CDKAL1: variants seen among roughly 807,000 people sequenced by gnomAD.
CDKAL1 encodes threonylcarbamoyladenosine tRNA methylthiotransferase.
Under a neutral mutation model 68.2 loss-of-function variants are expected in CDKAL1, and 32 were observed. That is an observed-to-expected ratio of 0.47 (90% CI 0.35 to 0.63). CDKAL1 has a LOEUF of 0.63. Among genes scored for constraint, CDKAL1 ranks in the 30% least tolerant of loss-of-function variants. The pLI is 0.00. For missense variants in CDKAL1, 606 were observed against 696.7 expected (o/e 0.87, Z 1.47); for synonymous variants, 234 against 244.3 (o/e 0.96, Z 0.39).
chr6:21,045,458 A>G lies in CDKAL1; in HGVS notation c.1056-19590A>G, dbSNP rs79083652. 4.4e-3 allele frequency among the ~76,000 whole-genome samples: 667 copies of G among 152,306 alleles called. 4 individuals carry two copies. The highest frequency in any genetic ancestry group is 0.015 in the African/African-American group (613 of 41,560). The stretch of plus-strand genomic sequence containing the variant: ...TCTCCCTGACTCTGAGTCAGGGGCT[A>G]GTTGTACCTATTAACATTTCTACTC... On this transcript the variant is annotated intron_variant, in intron 11 of 15. Coordinates refer to ENST00000274695, the MANE Select transcript of CDKAL1 (RefSeq NM_017774.3).
rs1561750812 is a variant in CDKAL1, at chr6:20,756,923, C to CCTT, written c.469-1671_469-1670insTTC. 6.4e-5 allele frequency among the ~76,000 whole-genome samples: 7 copies of CCTT among 109,502 alleles called. No homozygotes were observed. In the East Asian group the frequency reaches 2.8e-3, roughly 44 times the overall value. 71.8% of individuals were successfully genotyped at this position (109,502 alleles called of 152,430 possible). ...TCCTTCCTTCCTTCCTTCCTTCCTT[C>CCTT]CCTCCTTCCCTTCCTTCCCTCCTTC... On this transcript the variant is annotated intron_variant, in intron 6 of 15. Coordinates refer to ENST00000274695, the MANE Select transcript of CDKAL1 (RefSeq NM_017774.3).
rs1262483548 is a variant in CDKAL1, at chr6:21,156,194, G to A, written c.1300-41827G>A. 1.1e-4 allele frequency among the ~76,000 whole-genome samples: 16 copies of A among 152,216 alleles called. No homozygotes were observed. The East Asian group carries it at 3.1e-3, about 29-fold the overall frequency. On this transcript the variant is annotated intron_variant, in intron 13 of 15. Transcript: ENST00000274695. ...CTAGCACTTTGGGAAGCTGAGGCAG[G>A]TGGATCACTTGAGCTCAGGAGTTTG...
intron 4 of CDKAL1, among the ~76,000 whole-genome samples, chr6:20,564,244 A>T (rs892572506): frequency 1.3e-5 from 2 of 152,212 alleles, no homozygotes; most frequent in Non-Finnish European, 2.9e-5. Context: ...CCATCTCCAA[A>T]AAAGCTAATA....
intron 13 of CDKAL1, among the ~76,000 whole-genome samples, chr6:21,150,385 C>T (rs1222310428): frequency 6.6e-6 from 1 of 152,190 alleles, no homozygotes; most frequent in African/African-American, 2.4e-5. Flanking sequence ...ATTGTACAAG[C>T]TTGCTTCCAT....
intron 5 of CDKAL1, among the ~76,000 whole-genome samples, chr6:20,691,428 G>A (rs572123157): frequency 1.3e-5 from 2 of 152,056 alleles, no homozygotes; most frequent in South Asian, 4.2e-4. Context: ...GAGGCAAGGC[G>A]AGCATGAGTG....
intron 8 of CDKAL1, among the ~76,000 whole-genome samples, chr6:20,783,387 G>A (rs1775517375): frequency 6.6e-6 from 1 of 152,070 alleles, no homozygotes; most frequent in Non-Finnish European, 1.5e-5. Flanking sequence ...CCTACTGAGT[G>A]TCTGTTTTTA....
At chr6:20,619,362 G>C (rs1248954209) in intron 4 of CDKAL1, among the ~76,000 whole-genome samples, 1 of 152,154 alleles carries the variant, frequency 6.6e-6, no homozygotes, top group Non-Finnish European at 1.5e-5. Flanking sequence ...AATGCTAAGA[G>C]AGTGGATGTA....
At chr6:20,582,813 C>G (rs979312231) in intron 4 of CDKAL1, among the ~76,000 whole-genome samples, 2 of 152,076 alleles carry the variant, frequency 1.3e-5, no homozygotes, top group Non-Finnish European at 2.9e-5. Flanking sequence ...AGGCAATATC[C>G]CTAGGAGTTA....
intron 15 of CDKAL1, among the ~76,000 whole-genome samples, chr6:21,208,570 A>T (rs1263256288): frequency 6.6e-6 from 1 of 150,986 alleles, no homozygotes; most frequent in Non-Finnish European, 1.5e-5. Flanking sequence ...TTTTCCTTCC[A>T]CCCCCAAGAT....
intron 11 of CDKAL1, 46 bp from the exon 12 acceptor site, chr6:21,065,002 A>G (rs1009777989): frequency 8.7e-7 from 1 of 1,149,618 alleles, no homozygotes; most frequent in Non-Finnish European, 1.2e-6. Context: ...TAGAATAATT[A>G]TGGCTTATAG....
chr6:21,215,471 G>T (rs1280172356), intron 15 of CDKAL1, among the ~76,000 whole-genome samples: 17 of 152,306 alleles, frequency 1.1e-4, no homozygotes, highest in Middle Eastern at 3.4e-3. Flanking sequence ...AAATCTTGGT[G>T]TTTTTGCCTG....
intron 6 of CDKAL1, among the ~76,000 whole-genome samples, chr6:20,749,302 A>G (rs940767885): frequency 1.3e-5 from 2 of 152,138 alleles, no homozygotes; most frequent in Non-Finnish European, 2.9e-5. Context: ...TTCTCCCATC[A>G]TTATGTGACC....
chr6:20,752,720 C>A (rs1773980292), intron 6 of CDKAL1, among the ~76,000 whole-genome samples: 1 of 152,058 alleles, frequency 6.6e-6, no homozygotes, highest in Non-Finnish European at 1.5e-5. Flanking sequence ...TTCTAAATAC[C>A]CATATATTTA....
At chr6:20,817,779 T>C in intron 8 of CDKAL1, among the ~76,000 whole-genome samples, 1 of 152,322 alleles carries the variant, frequency 6.6e-6, no homozygotes, top group Non-Finnish European at 1.5e-5. Flanking sequence ...TTTGTCTAAA[T>C]AGCTCTGTGT....
rs772877073 is a variant in CDKAL1 at position 21,230,965 on chromosome 6, T to C, written c.1666T>C (p.Cys556Arg). ...GCCCATGCCAAGGCTACATCAAGAC[T>C]GTGCGCTGAGGATGTCCGTGGGCTT... ...VLPMPRLHQD[C>R]ALRMSVGLAL... Residue 556 changes from cysteine (C) to arginine (R), a missense_variant, in exon 16 of 16, where the codon TGT becomes CGT. Coordinates refer to ENST00000274695, the MANE Select transcript of CDKAL1 (RefSeq NM_017774.3). The C allele has an allele frequency of 6.2e-7, 1 of 1,613,800 alleles. No individual in the cohort carries two copies. The highest frequency in any genetic ancestry group is 8.5e-7 in the Non-Finnish European group (1 of 1,179,704).
At position 20,787,825 on chromosome 6, in the gene CDKAL1, G is replaced by A. The variant is rs114944380; in HGVS notation, c.638+6560G>A. On this transcript the variant is annotated intron_variant, in intron 8 of 15. Coordinates refer to ENST00000274695, the MANE Select transcript of CDKAL1 (RefSeq NM_017774.3). ...ATAGAGACTTTTAAGGCAGTTTAAC[G>A]TCACTACAGTGAGTTATAATTCATT... Among the ~76,000 whole-genome samples the A allele has an allele frequency of 1.8e-3, 273 of 152,246 alleles. 1 individual carries two copies. Among genetic ancestry groups the A allele is most frequent in the Admixed American group, 3.0e-3 (46 of 15,292 alleles).
At chr6:21,022,671 C>T (rs191682369) in intron 11 of CDKAL1, among the ~76,000 whole-genome samples, 1 of 152,310 alleles carries the variant, frequency 6.6e-6, no homozygotes, top group East Asian at 1.9e-4. Flanking sequence ...GCAGACTCCA[C>T]GGCCTGGCTG....
At chr6:20,896,119 TGAGATGGAG>T (rs1561865669) in intron 9 of CDKAL1, among the ~76,000 whole-genome samples, 1 of 136,440 alleles carries the variant, frequency 7.3e-6, no homozygotes, top group Non-Finnish European at 1.6e-5. Flanking sequence ...TTTTTTTTTT[TGAGATGGAG>T]TCTTGCTCTG....
intron 11 of CDKAL1, among the ~76,000 whole-genome samples, chr6:21,011,665 T>A (rs1768029086): frequency 6.6e-6 from 1 of 152,186 alleles, no homozygotes; most frequent in Non-Finnish European, 1.5e-5. Flanking sequence ...ACCCCAGTGT[T>A]AAATCCAGTA....
Sources: gnomAD v4.1 joint callset for allele counts (sites outside exome capture counted in the v4.1 genomes callset) on GRCh38, gnomAD v4.1.1 for gene constraint, MANE v1.5 for transcripts, NCBI Gene and HGNC (gene_info 2026-07-23, HGNC 2026-07-21) for gene names.